The following LARP1 variants were observed in gnomAD, a reference collection of about 807,000 sequenced individuals.
LARP1 encodes la-related protein 1.
A neutral mutation model predicts 122.7 loss-of-function variants in LARP1; 36 were observed. That is an observed-to-expected ratio of 0.29 (90% CI 0.22 to 0.39). The LOEUF (loss-of-function observed/expected upper bound fraction) is 0.39. LARP1 is among the 10% of genes least tolerant of loss of function. The pLI is 1.00. For synonymous variants in LARP1, 539 were observed against 528.7 expected (o/e 1.02, Z -0.27); for missense variants, 1,040 against 1,403.6 (o/e 0.74, Z 4.14).
In LARP1 at chr5:154,755,645, G is replaced by T; in HGVS notation, c.-113G>T. On this transcript the variant is annotated 5_prime_UTR_variant, in exon 1 of 19. Transcript: ENST00000518297. Reference sequence around the variant, plus strand: ...GTGAACCCCGACCCTTCTCTGCAGGGACTGGGGCCCAGCGCCCCGGAGGAA... The same window carrying T: ...GTGAACCCCGACCCTTCTCTGCAGGTACTGGGGCCCAGCGCCCCGGAGGAA... The T allele has an allele frequency of 2.0e-6, 2 of 987,678 alleles. No individual in the cohort carries two copies. The highest frequency in any genetic ancestry group is 2.4e-6 in the Non-Finnish European group (2 of 830,210). The allele number at this position is 987,678 out of a possible 1,614,324, so 61.2% of individuals were successfully genotyped here. A position where few individuals can be genotyped will look rare whatever the true frequency, so the allele number is the denominator to read the frequency against.
chr5:154,691,946 C>T (rs2113208765), intron 1 of LARP1, among the ~76,000 whole-genome samples: 1 of 149,802 alleles, frequency 6.7e-6, no homozygotes, highest in Non-Finnish European at 1.5e-5. Flanking sequence ...TGCGCCACCA[C>T]GCCCGGCTAA....
At chr5:154,691,643 G>GTTCCC (rs1754214673) in intron 1 of LARP1, among the ~76,000 whole-genome samples, 1 of 152,168 alleles carries the variant, frequency 6.6e-6, no homozygotes, top group South Asian at 2.1e-4. Context: ...GGTCAGGGAG[G>GTTCCC]ATCTTGCATT....
chr5:154,793,352 G>A (rs142167531), intron 4 of LARP1, among the ~76,000 whole-genome samples: 3 of 152,266 alleles, frequency 2.0e-5, no homozygotes, highest in African/African-American at 7.2e-5. Flanking sequence ...TCCAGAAGGG[G>A]ATTCTGTGGC....
intron 8 of LARP1, among the ~76,000 whole-genome samples, chr5:154,796,191 T>C (rs1757836151): frequency 7.5e-6 from 1 of 132,594 alleles, no homozygotes; most frequent in Non-Finnish European, 1.5e-5. Context: ...ATATATTTTA[T>C]ATATATATAT....
chr5:154,804,020 C>G (rs1273353321), intron 13 of LARP1, among the ~76,000 whole-genome samples, 181 bp from the exon 14 acceptor site: 4 of 152,198 alleles, frequency 2.6e-5, no homozygotes, highest in African/African-American at 9.7e-5. Context: ...TTGATTTCTT[C>G]ACCTGTTTGA....
intron 1 of LARP1, among the ~76,000 whole-genome samples, chr5:154,773,645 T>C (rs974679801): frequency 1.3e-5 from 2 of 152,206 alleles, no homozygotes; most frequent in South Asian, 4.1e-4. Context: ...CCCAGTCCAG[T>C]GTTCTTTCCA....
chr5:154,804,465 C>T (rs1051248513), intron 14 of LARP1, among the ~76,000 whole-genome samples, 158 bp downstream of exon 14: 1 of 152,118 alleles, frequency 6.6e-6, no homozygotes, highest in Non-Finnish European at 1.5e-5. Flanking sequence ...CAGCCCAGGA[C>T]CTGGGAATGA....
intron 1 of LARP1, among the ~76,000 whole-genome samples, chr5:154,699,507 T>A (rs1010864155): frequency 1.3e-5 from 2 of 151,110 alleles, no homozygotes; most frequent in African/African-American, 2.4e-5. Flanking sequence ...AAAAAAAAAA[T>A]TTAAATAATT....
intron 1 of LARP1, among the ~76,000 whole-genome samples, chr5:154,764,391 C>T (rs1384633485): frequency 6.8e-6 from 1 of 146,460 alleles, no homozygotes; most frequent in South Asian, 2.2e-4. Flanking sequence ...ATCACTTGAG[C>T]GCAGGAGTTC....
chr5:154,803,281 CCT>C lies in LARP1; in HGVS notation c.2110-6_2110-5del. 6.2e-7 allele frequency: 1 copy of C among 1,614,192 alleles called. No individual in the cohort carries two copies. The highest frequency in any genetic ancestry group is 8.5e-7 in the Non-Finnish European group (1 of 1,180,032). On this transcript the variant is annotated splice_region_variant and splice_polypyrimidine_tract_variant and intron_variant, in intron 11 of 18. Transcript: ENST00000518297. This position sits in a 1 kb window ranked among gnomAD's most constrained non-coding sequence, Gnocchi z 4.4. ...ACATCTTTCCCCACTCATCTCATGA[CCT>C]CTGCAGCAAGAAGTCGAGAACTTCA...
At chr5:154,771,425 T>A (rs1307725250) in intron 1 of LARP1, among the ~76,000 whole-genome samples, 3 of 152,192 alleles carry the variant, frequency 2.0e-5, no homozygotes, top group African/African-American at 7.2e-5. Context: ...AAACAGGTGC[T>A]CGTAGAGGTT....
chr5:154,728,849 G>A (rs1756385586), intron 1 of LARP1, among the ~76,000 whole-genome samples: 1 of 152,234 alleles, frequency 6.6e-6, no homozygotes, highest in East Asian at 1.9e-4. Flanking sequence ...AGATCTTTTT[G>A]GAAAGGGCCC....
At chr5:154,790,574 A>T (rs1757258615) in intron 2 of LARP1, 71 bp from the exon 3 acceptor site, 3 of 1,544,898 alleles carry the variant, frequency 1.9e-6, no homozygotes, top group African/African-American at 1.4e-5. Context: ...CTCTTGGTGA[A>T]GCTTGGGTCG....
At chr5:154,728,074 AAGAAG>A (rs1756336888) in intron 1 of LARP1, among the ~76,000 whole-genome samples, 1 of 152,216 alleles carries the variant, frequency 6.6e-6, no homozygotes, top group Non-Finnish European at 1.5e-5. Context: ...TCTCAAAAGA[AAGAAG>A]AGAAAATAAA....
At chr5:154,753,043 C>CCT (rs1753587829), upstream of LARP1, among the ~76,000 whole-genome samples, 1 of 152,066 alleles carries the variant, frequency 6.6e-6, no homozygotes, top group Non-Finnish European at 1.5e-5. Context: ...ACCCCTCCAC[C>CCT]CTCTACACAG....
intron 1 of LARP1, among the ~76,000 whole-genome samples, chr5:154,683,784 TG>T (rs1412823280): frequency 6.6e-6 from 1 of 152,226 alleles, no homozygotes; most frequent in Non-Finnish European, 1.5e-5. Flanking sequence ...CTGACTCCTT[TG>T]GTATGCAGGC....
At chr5:154,694,599 TG>T in intron 1 of LARP1, among the ~76,000 whole-genome samples, 1 of 152,242 alleles carries the variant, frequency 6.6e-6, no homozygotes, top group Middle Eastern at 3.4e-3. Flanking sequence ...ACTATGAACT[TG>T]GTATTAGATG....
intron 1 of LARP1, among the ~76,000 whole-genome samples, chr5:154,717,590 ACT>A (rs1410622457): frequency 1.3e-5 from 2 of 152,080 alleles, no homozygotes; most frequent in African/African-American, 2.4e-5. Flanking sequence ...GGTGTTATTC[ACT>A]CTCTGTCACC....
chr5:154,715,690 G>A (rs1474945054), intron 1 of LARP1, among the ~76,000 whole-genome samples: 1 of 152,130 alleles, frequency 6.6e-6, no homozygotes, highest in Non-Finnish European at 1.5e-5. Context: ...AGTGCCTTGG[G>A]TATCTGAGTT....
Sources: gnomAD v4.1 joint callset for allele counts (sites outside exome capture counted in the v4.1 genomes callset) on GRCh38, gnomAD v4.1.1 for gene constraint, Gnocchi (gnomAD v3.1) non-coding constraint, MANE v1.5 for transcripts, NCBI Gene and HGNC (gene_info 2026-07-23, HGNC 2026-07-21) for gene names.